The following EPHB1 variants were observed in gnomAD, a reference collection of about 807,000 sequenced individuals.
The protein encoded by EPHB1 is EPH receptor B1, also known as ephrin type-B receptor 1.
EPHB1 carries 30 observed loss-of-function variants against 94.4 expected under a neutral mutation model. The observed-to-expected ratio is 0.32, with a 90% CI of 0.24 to 0.43. The LOEUF (loss-of-function observed/expected upper bound fraction) is 0.43. EPHB1 is among the 20% of genes least tolerant of loss of function. EPHB1 has a pLI of 1.00. For synonymous variants in EPHB1, 522 were observed against 489.1 expected (o/e 1.07, Z -0.89); for missense variants, 1,055 against 1,308.3 (o/e 0.81, Z 2.99).
chr3:135,045,592 A>C (rs1417119104), intron 3 of EPHB1, among the ~76,000 whole-genome samples: 1 of 152,256 alleles, frequency 6.6e-6, no homozygotes, highest in South Asian at 2.1e-4. Context: ...TGAAAATGAA[A>C]GGAGTGAGTT....
At chr3:135,258,231 A>C (rs1178347744) in intron 15 of EPHB1, among the ~76,000 whole-genome samples, 1 of 152,112 alleles carries the variant, frequency 6.6e-6, no homozygotes, top group Non-Finnish European at 1.5e-5. Context: ...TGGCTCCTCC[A>C]ATCACTGTTA....
chr3:135,252,009 C>T (rs1442433794), intron 15 of EPHB1, among the ~76,000 whole-genome samples: 1 of 152,008 alleles, frequency 6.6e-6, no homozygotes, highest in Non-Finnish European at 1.5e-5. Flanking sequence ...GCCCTACTTG[C>T]CTTGTTTATA....
chr3:135,106,633 G>A (rs1157272070), intron 4 of EPHB1, 30 bp downstream of exon 4: 2 of 1,609,946 alleles, frequency 1.2e-6, no homozygotes, highest in Non-Finnish European at 8.5e-7. Flanking sequence ...TCTGGGCTGG[G>A]GAGTTTGGTT....
intron 3 of EPHB1, among the ~76,000 whole-genome samples, chr3:134,974,237 T>G (rs7648054): frequency 6.6e-6 from 1 of 151,562 alleles, no homozygotes; most frequent in African/African-American, 2.4e-5. Context: ...TACACACACA[T>G]GCGCACAAAC....
chr3:134,804,467 T>C (rs914316347), intron 1 of EPHB1, among the ~76,000 whole-genome samples: 2 of 152,106 alleles, frequency 1.3e-5, no homozygotes, highest in African/African-American at 4.8e-5. Context: ...AGCTAATCCA[T>C]ATCAATGTCC....
At chr3:135,044,211 T>C (rs990107591) in intron 3 of EPHB1, among the ~76,000 whole-genome samples, 2 of 152,198 alleles carry the variant, frequency 1.3e-5, no homozygotes, top group South Asian at 4.1e-4. Context: ...AGAATCCTGA[T>C]GCTTTGTGGG....
chr3:134,805,147 G>A (rs1457266125), intron 1 of EPHB1, among the ~76,000 whole-genome samples: 1 of 152,188 alleles, frequency 6.6e-6, no homozygotes, highest in Non-Finnish European at 1.5e-5. Context: ...CATTCCAGGT[G>A]GTTTCACGTG....
At chr3:134,864,281 G>C (rs111809932) in intron 1 of EPHB1, among the ~76,000 whole-genome samples, 1 of 152,126 alleles carries the variant, frequency 6.6e-6, no homozygotes, top group African/African-American at 2.4e-5. Context: ...TCAGGAGAAG[G>C]TTCCCAAAGG....
At chr3:134,963,342 T>C (rs1298923948) in intron 3 of EPHB1, among the ~76,000 whole-genome samples, 1 of 152,156 alleles carries the variant, frequency 6.6e-6, no homozygotes, top group Admixed American at 6.5e-5. Context: ...ACAGCTGATA[T>C]TTGAAAAGAA....
At chr3:134,873,244 A>G (rs919041055) in intron 1 of EPHB1, among the ~76,000 whole-genome samples, 1 of 152,164 alleles carries the variant, frequency 6.6e-6, no homozygotes, top group Admixed American at 6.5e-5. Context: ...GCAGGCAGTG[A>G]TTCCTCTGTG....
At chr3:135,026,700 C>T (rs1936188654) in intron 3 of EPHB1, among the ~76,000 whole-genome samples, 1 of 128,686 alleles carries the variant, frequency 7.8e-6, no homozygotes, top group Non-Finnish European at 1.7e-5. Flanking sequence ...AATGCGGGCT[C>T]TTTTTTGGTT....
At chr3:134,982,279 T>C (rs1282907716) in intron 3 of EPHB1, among the ~76,000 whole-genome samples, 1 of 152,116 alleles carries the variant, frequency 6.6e-6, no homozygotes, top group Non-Finnish European at 1.5e-5. Flanking sequence ...TTTCTGATCA[T>C]TGGATTCCTT....
intron 1 of EPHB1, among the ~76,000 whole-genome samples, chr3:134,826,406 T>C (rs1377362614): frequency 6.6e-6 from 1 of 152,186 alleles, no homozygotes; most frequent in Non-Finnish European, 1.5e-5. Context: ...CCCATCATCA[T>C]ATGGGGGAAG....
intron 11 of EPHB1, among the ~76,000 whole-genome samples, chr3:135,200,911 C>A (rs1942734825): frequency 6.6e-6 from 1 of 152,056 alleles, no homozygotes; most frequent in African/African-American, 2.4e-5. Context: ...ATGTTGAGGG[C>A]CCTAAGGCAG....
chr3:135,075,663 C>T (rs373318352), intron 3 of EPHB1, among the ~76,000 whole-genome samples: 71 of 152,320 alleles, frequency 4.7e-4, no homozygotes, highest in African/African-American at 1.6e-3. Context: ...CAGCTCTTCT[C>T]AGTCCCTAGG....
intron 4 of EPHB1, among the ~76,000 whole-genome samples, chr3:135,129,290 T>TG (rs1355547618): frequency 6.6e-6 from 1 of 151,772 alleles, no homozygotes; most frequent in Non-Finnish European, 1.5e-5. Flanking sequence ...TCGACAAGGG[T>TG]GGGTCTTCCC....
intron 4 of EPHB1, among the ~76,000 whole-genome samples, chr3:135,113,215 AGT>A (rs1047655650): frequency 2.0e-5 from 3 of 152,178 alleles, no homozygotes; most frequent in African/African-American, 7.2e-5. Context: ...AAAAGAAAGG[AGT>A]GTGACTGCAA....
At chr3:134,994,674 T>C (rs942550438) in intron 3 of EPHB1, among the ~76,000 whole-genome samples, 27 of 152,224 alleles carry the variant, frequency 1.8e-4, no homozygotes, top group Non-Finnish European at 3.4e-4. Context: ...TCCTCCTGCC[T>C]CAGCCTCCCA....
At chr3:135,031,018 A>G (rs970725265) in intron 3 of EPHB1, among the ~76,000 whole-genome samples, 1 of 152,132 alleles carries the variant, frequency 6.6e-6, no homozygotes, top group Non-Finnish European at 1.5e-5. Flanking sequence ...TTCTTTGATT[A>G]GGAAAGGGAA....
Sources: gnomAD v4.1 joint callset for allele counts (sites outside exome capture counted in the v4.1 genomes callset) on GRCh38, gnomAD v4.1.1 for gene constraint, MANE v1.5 for transcripts, NCBI Gene and HGNC (gene_info 2026-07-23, HGNC 2026-07-21) for gene names.